The following ZNF239 variants were observed in gnomAD, a reference collection of about 807,000 sequenced individuals.
The protein encoded by ZNF239 is zinc finger protein (C2H2) homologous to mouse MOK-2.
A neutral mutation model predicts 27.5 loss-of-function variants in ZNF239; 16 were observed. That is an observed-to-expected ratio of 0.58 (90% confidence interval 0.39 to 0.88). ZNF239 has a LOEUF of 0.88. ZNF239 is among the 40% of genes least tolerant of loss of function. The pLI, the probability that ZNF239 is intolerant of heterozygous loss-of-function variation, is 0.00. For missense variants in ZNF239, 527 were observed against 551.9 expected (o/e 0.95, Z 0.45); for synonymous variants, 199 against 192.6 (o/e 1.03, Z -0.27).
At chr10:43,566,761 T>C (rs1364697954) in intron 3 of ZNF239, among the ~76,000 whole-genome samples, 1 of 152,252 alleles carries the variant, frequency 6.6e-6, no homozygotes, top group Non-Finnish European at 1.5e-5. Flanking sequence ...ACCAATCCCC[T>C]GTGATACATC....
intron 2 of ZNF239, among the ~76,000 whole-genome samples, chr10:43,571,366 A>G (rs959576493): frequency 6.6e-6 from 1 of 150,968 alleles, no homozygotes; most frequent in Non-Finnish European, 1.5e-5. Flanking sequence ...TTCTATAGTA[A>G]GCCCTAACTT....
intron 2 of ZNF239, chr10:43,568,288 C>T: frequency 1.0e-6 from 1 of 985,512 alleles, no homozygotes; most frequent in African/African-American, 1.7e-5. Context: ...TCACTCTCTT[C>T]TTGTGTCATT....
rs2132214192 is a variant in ZNF239, at chr10:43,557,044, G to C, written c.1036C>G (p.Pro346Ala). ...TTCCCACACTCACCACACTTGTAGG[G>C]CCTCTCTCCTGTGTGTACTCGCTGG... ...IHQRVHTGERPYKCGECGKGF... is the reference protein window; with the variant it reads ...IHQRVHTGERAYKCGECGKGF... Residue 346 changes from proline to alanine, a missense_variant, in exon 4 of 4, where the codon CCC (proline) becomes GCC (alanine). Physicochemically the swap from Pro to Ala is conservative, Grantham distance 27. Transcript: ENST00000374446. 6.2e-7 allele frequency: 1 copy of C among 1,614,006 alleles called. No homozygotes were observed. Among genetic ancestry groups the C allele is most frequent in the Non-Finnish European group, 8.5e-7 (1 of 1,180,004 alleles).
chr10:43,560,515 A>G (rs962452615), intron 3 of ZNF239, among the ~76,000 whole-genome samples: 1 of 152,058 alleles, frequency 6.6e-6, no homozygotes, highest in African/African-American at 2.4e-5. Flanking sequence ...GCTCAGCCCT[A>G]GCCCTTAGCC....
Position 43,574,540 on chromosome 10 carries a change from C to T in ZNF239, c.-257G>A, listed in dbSNP as rs1838242861. On this transcript the variant is annotated splice_region_variant and 5_prime_UTR_variant, in exon 1 of 4. Coordinates refer to ENST00000374446, the MANE Select transcript of ZNF239 (RefSeq NM_001099282.2). ...GCTGGGGAAGCCCGGCCAGTCTCAC[C>T]TCCCACGTGGAACCCCACGCCTGCA... The T allele has an allele frequency of 1.3e-5, 2 of 152,366 alleles. No individual in the cohort carries two copies. Among genetic ancestry groups the T allele is most frequent in the South Asian group, 2.1e-4 (1 of 4,836 alleles). 9.4% of individuals were successfully genotyped at this position (152,366 alleles called of 1,614,324 possible).
intron 3 of ZNF239, among the ~76,000 whole-genome samples, chr10:43,563,294 C>A (rs1413980227): frequency 6.6e-6 from 1 of 151,204 alleles, no homozygotes; most frequent in Non-Finnish European, 1.5e-5. Flanking sequence ...CCAGCCTGGG[C>A]GACAGAGTGA....
At chr10:43,560,071 C>T (rs1254248459) in intron 3 of ZNF239, among the ~76,000 whole-genome samples, 1 of 152,190 alleles carries the variant, frequency 6.6e-6, no homozygotes, top group Non-Finnish European at 1.5e-5. Flanking sequence ...CTTAGGCATT[C>T]CTAACAGCTG....
chr10:43,570,957 T>C (rs1209005109), intron 2 of ZNF239: 16 of 985,032 alleles, frequency 1.6e-5, no homozygotes, highest in African/African-American at 3.5e-5. Context: ...AAAAGAATCA[T>C]TGTGACAAGG....
chr10:43,563,181 A>C lies in ZNF239; in HGVS notation c.-93+4718T>G, dbSNP rs575678417. Among the ~76,000 whole-genome samples, 12 of 152,156 alleles carry C rather than the reference A, an allele frequency of 7.9e-5. 1 individual carries two copies. The South Asian group carries it at 2.5e-3, about 32-fold the overall frequency. On this transcript the variant is annotated intron_variant, in intron 3 of 3. Transcript: ENST00000374446. ...TATACAAAAAATAGCAGGGTGTGGTAGTGGGCACCTGTAGTCCCAGCTACT... is the reference window on the plus strand; with the variant it reads ...TATACAAAAAATAGCAGGGTGTGGTCGTGGGCACCTGTAGTCCCAGCTACT...
intron 3 of ZNF239, among the ~76,000 whole-genome samples, 179 bp downstream of exon 3, chr10:43,567,720 C>G (rs1837775601): frequency 6.6e-6 from 1 of 152,274 alleles, no homozygotes; most frequent in East Asian, 1.9e-4. Flanking sequence ...CCACCTCTGG[C>G]TTATAAAGGA....
chr10:43,556,796 C>G lies in ZNF239; in HGVS notation c.1284G>C (p.Glu428Asp). The G allele has an allele frequency of 1.2e-6, 2 of 1,613,534 alleles. No individual in the cohort carries two copies. Among genetic ancestry groups the G allele is most frequent in the African/African-American group, 2.7e-5 (2 of 74,858 alleles). The change falls in exon 4 of 4, where the codon GAG becomes GAC. Residue 428 changes from glutamate (E) to aspartate (D), a missense_variant. Glu to Asp is a conservative substitution (Grantham distance 45). Coordinates refer to ENST00000374446, the MANE Select transcript of ZNF239 (RefSeq NM_001099282.2). ...CACACTTGCTGCACTCATAGGGCTT[C>G]TCTCCAGTATGTACTCTCTGGTGGA... ...LLIHQRVHTG[E>D]KPYECSKCGK...
At chr10:43,568,266 A>G in intron 2 of ZNF239, 1 of 985,446 alleles carries the variant, frequency 1.0e-6, no homozygotes, top group Non-Finnish European at 1.2e-6. Context: ...TCAGCTACTG[A>G]ATCTTTCTGT....
At chr10:43,566,294 G>C (rs1343632068) in intron 3 of ZNF239, among the ~76,000 whole-genome samples, 1 of 151,866 alleles carries the variant, frequency 6.6e-6, no homozygotes. Flanking sequence ...ACATTTTTCA[G>C]TGTTTTTTTT....
At chr10:43,569,647 G>C (rs1458456894) in intron 2 of ZNF239, among the ~76,000 whole-genome samples, 1 of 152,166 alleles carries the variant, frequency 6.6e-6, no homozygotes, top group East Asian at 1.9e-4. Flanking sequence ...ATCCACTGGA[G>C]CATCCTGTAT....
rs947637659 is a variant in ZNF239 at position 43,557,840 on chromosome 10, C to T, written c.240G>A (p.Lys80=). ...GATCCTGAGGCTCATTCTTACAGAACTTCACTGAAGAGTCTTGTGTGTCTA... is the reference window on the plus strand; with the variant it reads ...GATCCTGAGGCTCATTCTTACAGAATTTCACTGAAGAGTCTTGTGTGTCTA... ...SQIDTQDSSV[K]FCKNEPQDHQ... Residue 80 remains lysine, a synonymous_variant, in exon 4 of 4, where the codon AAG becomes AAA. Coordinates refer to ENST00000374446, the MANE Select transcript of ZNF239 (RefSeq NM_001099282.2). 1.2e-6 allele frequency: 2 copies of T among 1,614,234 alleles called. No individual in the cohort carries two copies. The highest frequency in any genetic ancestry group is 1.7e-6 in the Non-Finnish European group (2 of 1,180,036).
intron 2 of ZNF239, among the ~76,000 whole-genome samples, chr10:43,571,759 T>C (rs528178501): frequency 1.3e-5 from 2 of 152,274 alleles, no homozygotes; most frequent in South Asian, 2.1e-4. Context: ...GGTTTCACTA[T>C]GTTGGCCAGG....
rs753795989 is a variant in ZNF239, at chr10:43,557,305, C to T, written c.775G>A (p.Asp259Asn). 1 of 1,614,164 alleles carries T rather than the reference C, an allele frequency of 6.2e-7. No individual in the cohort carries two copies. The highest frequency in any genetic ancestry group is 1.1e-5 in the South Asian group (1 of 91,086). ...TTGTCACACTTATAAGGCTTCTCAT[C>T]TGTGTGGACTGCCTGATGGATAAGC... ...SLLIHQAVHT[D>N]EKPYKCDKCG... Residue 259 changes from aspartate to asparagine, a missense_variant, in exon 4 of 4, where the codon GAT becomes AAT. By Grantham distance (23) the Asp-to-Asn change is conservative. Coordinates refer to ENST00000374446, the MANE Select transcript of ZNF239 (RefSeq NM_001099282.2).
chr10:43,566,674 C>T (rs1445273068), intron 3 of ZNF239, among the ~76,000 whole-genome samples: 3 of 152,082 alleles, frequency 2.0e-5, no homozygotes, highest in African/African-American at 7.2e-5. Context: ...CATTCATTTC[C>T]CCATCTAATT....
chr10:43,560,747 C>T (rs1837182543), intron 3 of ZNF239, among the ~76,000 whole-genome samples: 1 of 144,166 alleles, frequency 6.9e-6, no homozygotes, highest in South Asian at 2.3e-4. Context: ...TAAAGTAAAA[C>T]ACATATGCAT....
Sources: gnomAD v4.1 joint callset for allele counts (sites outside exome capture counted in the v4.1 genomes callset) on GRCh38, gnomAD v4.1.1 for gene constraint, MANE v1.5 for transcripts, NCBI Gene and HGNC (gene_info 2026-07-23, HGNC 2026-07-21) for gene names.